RABGGTB: variants seen among roughly 807,000 people sequenced by gnomAD.
RABGGTB encodes the protein geranylgeranyl transferase type-2 subunit beta.
In RABGGTB, 20 loss-of-function variants were observed where a neutral mutation model predicts 44.5. The ratio of observed to expected loss-of-function variants is 0.45; its 90% CI spans 0.32 to 0.65. The LOEUF is 0.65. RABGGTB is among the 30% of genes least tolerant of loss of function. The pLI, the probability that RABGGTB is intolerant of heterozygous loss-of-function variation, is 0.05. For synonymous variants in RABGGTB, 128 were observed against 136.7 expected (o/e 0.94, Z 0.44); for missense variants, 302 against 398.7 (o/e 0.76, Z 2.06).
rs747989521 is a variant in RABGGTB, at chr1:75,787,585, G to T, written c.92G>T (p.Gly31Val). 1 of 1,612,034 alleles carries T rather than the reference G, an allele frequency of 6.2e-7. No homozygotes were observed. Among genetic ancestry groups the T allele is most frequent in the South Asian group, 1.1e-5 (1 of 91,024 alleles). Residue 31 changes from glycine to valine, a missense_variant, in exon 2 of 9, where the codon GGC (glycine) becomes GTC (valine). Physicochemically the swap from Gly to Val is moderately radical, Grantham distance 109. Around this residue, in one of 2 missense-constraint regions of RABGGTB, gnomAD observed 89 missense variants for 75.0 expected, o/e 1.19. Transcript: ENST00000319942. ...CATGCAGATTATATCGCATCCTATGGCTCAAAGAAAGATGATTATGTATGT... is the reference window on the plus strand; with the variant it reads ...CATGCAGATTATATCGCATCCTATGTCTCAAAGAAAGATGATTATGTATGT... ...EKHADYIASY[G>V]SKKDDYEYCM...
At chr1:75,787,640 TAAA>T (rs778279313) in intron 2 of RABGGTB, 36 bp downstream of exon 2, 1 of 1,508,222 alleles carries the variant, frequency 6.6e-7, no homozygotes, top group Non-Finnish European at 9.2e-7. Context: ...AAGTTTATTT[TAAA>T]GAAGTGTGAC....
At chr1:75,788,221 G>A (rs1045781634) in intron 2 of RABGGTB, 1 of 188,580 alleles carries the variant, frequency 5.3e-6, no homozygotes, top group Non-Finnish European at 1.1e-5. Context: ...GGCTGGACTC[G>A]TTTCTGCCTT....
Position 75,790,067 on chromosome 1 carries a change from G to C in RABGGTB, c.415+10G>C, listed in dbSNP as rs757902671. 24 of 1,611,402 alleles carry C rather than the reference G, an allele frequency of 1.5e-5. No homozygotes were observed. The highest frequency in any genetic ancestry group is 1.6e-5 in the Non-Finnish European group (19 of 1,178,210). On this transcript the variant is annotated intron_variant, in intron 4 of 8. Coordinates refer to ENST00000319942, the MANE Select transcript of RABGGTB (RefSeq NM_004582.4). ...GCTGGAGATATTTGGGGTAATGTCA[G>C]ATTTAGTCCATTCTACCCAAAATAC...
chr1:75,790,065 C>CA lies in RABGGTB; in HGVS notation c.415+9dup. On this transcript the variant is annotated intron_variant, in intron 4 of 8. Coordinates refer to ENST00000319942, the MANE Select transcript of RABGGTB (RefSeq NM_004582.4). ...TTGCTGGAGATATTTGGGGTAATGTCAGATTTAGTCCATTCTACCCAAAAT... is the reference window on the plus strand; with the variant it reads ...TTGCTGGAGATATTTGGGGTAATGTCAAGATTTAGTCCATTCTACCCAAAAT... 6.2e-7 allele frequency: 1 copy of CA among 1,611,038 alleles called. No homozygotes were observed. The highest frequency in any genetic ancestry group is 1.3e-5 in the African/African-American group (1 of 74,908).
chr1:75,793,623 G>A (rs1649700235), intron 7 of RABGGTB: 2 of 152,966 alleles, frequency 1.3e-5, no homozygotes, highest in Non-Finnish European at 2.9e-5. Flanking sequence ...GCCTTGAGTG[G>A]GGTTTTCTTT....
intron 6 of RABGGTB, 115 bp downstream of exon 6, chr1:75,791,686 A>G: frequency 1.2e-6 from 1 of 854,794 alleles, no homozygotes. Flanking sequence ...TTCGACTGTA[A>G]TAGGGCATCT....
At position 75,794,726 on chromosome 1, in the gene RABGGTB, A is replaced by C; in HGVS notation, c.*76A>C. ...TGTATTTGAAGTGCTTATCGAATCT[A>C]AAAGTGACTACTGTTAATATTTTGT... On this transcript the variant is annotated 3_prime_UTR_variant, in exon 9 of 9. Coordinates refer to ENST00000319942, the MANE Select transcript of RABGGTB (RefSeq NM_004582.4). The C allele has an allele frequency of 8.3e-7, 1 of 1,202,276 alleles. No homozygotes were observed. Among genetic ancestry groups the C allele is most frequent in the Non-Finnish European group, 1.1e-6 (1 of 895,900 alleles). 74.5% of individuals were successfully genotyped at this position (1,202,276 alleles called of 1,614,324 possible).
chr1:75,787,355 TTAG>T, intron 1 of RABGGTB, 139 bp from the exon 2 acceptor site: 1 of 657,666 alleles, frequency 1.5e-6, no homozygotes, highest in Admixed American at 2.8e-5. Context: ...GCCTCCCTAG[TTAG>T]TTACAATTTT....
At chr1:75,790,546 C>G (rs534736967) in intron 4 of RABGGTB, 2 of 921,458 alleles carry the variant, frequency 2.2e-6, no homozygotes, top group South Asian at 1.0e-4. Context: ...TAGAAATGGA[C>G]TAATACTTTG....
intron 1 of RABGGTB, among the ~76,000 whole-genome samples, chr1:75,786,495 A>T (rs1649488581): frequency 6.6e-6 from 1 of 151,864 alleles, no homozygotes; most frequent in Non-Finnish European, 1.5e-5. Flanking sequence ...TTCTGTAGGG[A>T]GGGCCTGTTA....
At chr1:75,786,954 C>A in intron 1 of RABGGTB, 1 of 367,660 alleles carries the variant, frequency 2.7e-6, no homozygotes, top group Non-Finnish European at 5.3e-6. Flanking sequence ...TGCTTTCTGC[C>A]ACATGTAAAC....
Position 75,789,933 on chromosome 1 carries a change from A to G in RABGGTB, c.310-19A>G. Reference sequence around the variant, plus strand: ...TAAACCTGAAAGGGACATTTACCTAATACTTGTCTTTATTGCAGATTCTTA... The same window carrying G: ...TAAACCTGAAAGGGACATTTACCTAGTACTTGTCTTTATTGCAGATTCTTA... On this transcript the variant is annotated intron_variant, in intron 3 of 8. Coordinates refer to ENST00000319942, the MANE Select transcript of RABGGTB (RefSeq NM_004582.4). 1 of 1,554,390 alleles carries G rather than the reference A, an allele frequency of 6.4e-7. No homozygotes were observed. Among genetic ancestry groups the G allele is most frequent in the Non-Finnish European group, 8.9e-7 (1 of 1,128,692 alleles).
chr1:75,787,938 A>G (rs1649541071), intron 2 of RABGGTB: 1 of 554,726 alleles, frequency 1.8e-6, no homozygotes, highest in African/African-American at 1.9e-5. Flanking sequence ...CTGATGTGTA[A>G]TAACACTTTA....
At chr1:75,786,954 C>T (rs547871502) in intron 1 of RABGGTB, 4 of 367,660 alleles carry the variant, frequency 1.1e-5, no homozygotes, top group East Asian at 8.8e-5. Flanking sequence ...TGCTTTCTGC[C>T]ACATGTAAAC....
chr1:75,791,657 C>T, intron 6 of RABGGTB, 86 bp downstream of exon 6: 3 of 1,136,760 alleles, frequency 2.6e-6, no homozygotes, highest in South Asian at 2.8e-5. Flanking sequence ...CAGTGTTTGT[C>T]AAATACACAT....
chr1:75,793,003 G>A (rs1179347967), intron 7 of RABGGTB, among the ~76,000 whole-genome samples: 3 of 152,080 alleles, frequency 2.0e-5, no homozygotes, highest in South Asian at 2.1e-4. Flanking sequence ...TATTAGAGAC[G>A]GGGTTTCACC....
At chr1:75,786,691 C>T (rs546240321) in intron 1 of RABGGTB, 1 of 262,810 alleles carries the variant, frequency 3.8e-6, no homozygotes, top group African/African-American at 2.3e-5. Context: ...TCTTCATGAC[C>T]TGTTATAGTG....
At position 75,794,559 on chromosome 1, in the gene RABGGTB, G is replaced by A. The variant is rs1802903; in HGVS notation, c.905G>A (p.Gly302Glu). Residue 302 changes from glycine to glutamate, a missense_variant, in exon 9 of 9, where the codon GGA (glycine) becomes GAA (glutamate). Physicochemically the swap from Gly to Glu is moderately conservative, Grantham distance 98. This residue lies in a region of RABGGTB where 213 missense variants were observed against 323.7 expected (regional missense o/e 0.66). Transcript: ENST00000319942. ...GGAATTGCTGGATTGTCACTTTTGG[G>A]AGAAGAACAGATTAAACCTGTTAAT... ...LFGIAGLSLL[G>E]EEQIKPVNPV... 1 of 1,613,020 alleles carries A rather than the reference G, an allele frequency of 6.2e-7. No homozygotes were observed. Among genetic ancestry groups the A allele is most frequent in the Non-Finnish European group, 8.5e-7 (1 of 1,179,366 alleles).
At chr1:75,787,111 G>A (rs748417812) in intron 1 of RABGGTB, 14 of 533,102 alleles carry the variant, frequency 2.6e-5, no homozygotes, top group African/African-American at 2.5e-4. Flanking sequence ...ATCTAAAGTT[G>A]ATTATTACTA....
Sources: allele counts gnomAD v4.1 joint callset (sites outside exome capture counted in the v4.1 genomes callset), GRCh38; gene constraint gnomAD v4.1.1; regional missense constraint gnomAD v4.1.1; transcripts MANE v1.5; gene names NCBI Gene and HGNC (gene_info 2026-07-23, HGNC 2026-07-21).